The following RBFOX1 variants were observed in gnomAD, a reference collection of about 807,000 sequenced individuals.
The protein encoded by RBFOX1 is RNA binding protein fox-1 homolog 1.
In RBFOX1, 8 loss-of-function variants were observed where a neutral mutation model predicts 57.7. The ratio of observed to expected loss-of-function variants is 0.14; its 90% CI spans 0.08 to 0.25. The LOEUF (loss-of-function observed/expected upper bound fraction) is 0.25. Ranked by LOEUF, RBFOX1 falls within the 10% of genes least tolerant of loss-of-function variation. RBFOX1 has a pLI of 1.00. For missense variants in RBFOX1, 611 were observed against 548.5 expected (o/e 1.11, Z -1.14); for synonymous variants, 326 against 222.4 (o/e 1.47, Z -4.15).
chr16:7,189,425 CAAAAAAAAAAAA>C (rs1159617665), intron 4 of RBFOX1, among the ~76,000 whole-genome samples: 1 of 67,614 alleles, frequency 1.5e-5, no homozygotes, highest in African/African-American at 4.8e-5. Context: ...GACTCCCTCT[CAAAAAAAAAAAA>C]AAAAAAAAAA....
At chr16:7,702,689 G>C (rs2081150959) in intron 14 of RBFOX1, among the ~76,000 whole-genome samples, 2 of 152,126 alleles carry the variant, frequency 1.3e-5, no homozygotes, top group African/African-American at 4.8e-5. Context: ...TCCAGCCCCT[G>C]AGAATTGCTG....
Position 7,000,596 on chromosome 16 carries a change from C to CTTTTTTTTTTTTTTTTTTTTTTTTTTT in RBFOX1, c.-15-51440_-15-51439insTTTTTTTTTTTTTTTTTTTTTTTTTTT, listed in dbSNP as rs759103545. ...TTTCTTTTTTTCTTTCTTTTTCTTTCTTTTTTTTTTTTTTTTTTTTTGAGA... is the reference window on the plus strand; with the variant it reads ...TTTCTTTTTTTCTTTCTTTTTCTTTCTTTTTTTTTTTTTTTTTTTTTTTTTTTTTTTTTTTTTTTTTTTTTTTTGAGA... On this transcript the variant is annotated intron_variant, in intron 3 of 15. Transcript: ENST00000550418. Among the ~76,000 whole-genome samples the CTTTTTTTTTTTTTTTTTTTTTTTTTTT allele has an allele frequency of 2.1e-4, 19 of 92,594 alleles. 1 individual carries two copies. Among genetic ancestry groups the CTTTTTTTTTTTTTTTTTTTTTTTTTTT allele is most frequent in the Admixed American group, 4.4e-4 (3 of 6,820 alleles). The allele number at this position is 92,594 out of a possible 152,430, so 60.7% of individuals were successfully genotyped here. A position where few individuals can be genotyped will look rare whatever the true frequency, so the allele number is the denominator to read the frequency against.
At chr16:6,492,487 T>G (rs1394022286) in intron 2 of RBFOX1, among the ~76,000 whole-genome samples, 1 of 152,122 alleles carries the variant, frequency 6.6e-6, no homozygotes, top group Non-Finnish European at 1.5e-5. Context: ...GAGAATCGCT[T>G]GAACCCGGGA....
intron 11 of RBFOX1, among the ~76,000 whole-genome samples, chr16:7,632,499 A>T (rs556116986): frequency 6.6e-6 from 1 of 152,224 alleles, no homozygotes; most frequent in Non-Finnish European, 1.5e-5. Context: ...ATGGAGGGCA[A>T]TCCCAGAGCC....
At chr16:6,915,351 G>T (rs1233299652) in intron 3 of RBFOX1, among the ~76,000 whole-genome samples, 2 of 152,126 alleles carry the variant, frequency 1.3e-5, no homozygotes. Flanking sequence ...GAGGAAGCTT[G>T]CTCTACAGAT....
intron 3 of RBFOX1, among the ~76,000 whole-genome samples, chr16:6,886,696 A>G (rs908390788): frequency 6.6e-6 from 1 of 151,762 alleles, no homozygotes; most frequent in Non-Finnish European, 1.5e-5. Flanking sequence ...CAGAGGTTGC[A>G]CTAAACTGAG....
intron 3 of RBFOX1, among the ~76,000 whole-genome samples, chr16:5,769,952 A>G (rs750591434): frequency 6.6e-6 from 1 of 152,194 alleles, no homozygotes; most frequent in Non-Finnish European, 1.5e-5. Flanking sequence ...GGCTCTCAGT[A>G]TAGGTATGTG....
chr16:6,341,786 G>T (rs1431636041), intron 2 of RBFOX1, among the ~76,000 whole-genome samples: 1 of 152,030 alleles, frequency 6.6e-6, no homozygotes, highest in African/African-American at 2.4e-5. Context: ...CTTGCTTTTG[G>T]TTTGCATTGT....
At chr16:7,530,653 G>A (rs147358853) in intron 5 of RBFOX1, among the ~76,000 whole-genome samples, 1 of 152,120 alleles carries the variant, frequency 6.6e-6, no homozygotes, top group African/African-American at 2.4e-5. Flanking sequence ...CTAACCAGGG[G>A]GTCTGGGTTT....
intron 3 of RBFOX1, among the ~76,000 whole-genome samples, chr16:6,834,434 G>A (rs995218457): frequency 6.6e-6 from 1 of 152,082 alleles, no homozygotes; most frequent in Non-Finnish European, 1.5e-5. Context: ...CACTTGTTTG[G>A]GAGGGGAAGC....
At chr16:6,481,924 A>G (rs1372224787) in intron 2 of RBFOX1, among the ~76,000 whole-genome samples, 1 of 152,238 alleles carries the variant, frequency 6.6e-6, no homozygotes, top group East Asian at 1.9e-4. Context: ...CACAGAAGAA[A>G]AAAAAATCCC....
chr16:7,458,247 A>G (rs1426037040), intron 4 of RBFOX1, among the ~76,000 whole-genome samples: 1 of 152,066 alleles, frequency 6.6e-6, no homozygotes. Context: ...AAGGTTTGCA[A>G]AGGACCAGCG....
chr16:5,704,599 C>G (rs778553557), intron 3 of RBFOX1, among the ~76,000 whole-genome samples: 3 of 152,230 alleles, frequency 2.0e-5, no homozygotes, highest in Non-Finnish European at 4.4e-5. Context: ...CCTCTTCCCT[C>G]AAGTTATTTT....
chr16:5,939,486 G>A (rs2059238104), intron 4 of RBFOX1, among the ~76,000 whole-genome samples: 1 of 152,184 alleles, frequency 6.6e-6, no homozygotes, highest in Non-Finnish European at 1.5e-5. Context: ...TTCTTGTCAT[G>A]GAGGACCTTC....
intron 3 of RBFOX1, among the ~76,000 whole-genome samples, chr16:5,755,490 A>G (rs2053360708): frequency 6.6e-6 from 1 of 152,232 alleles, no homozygotes; most frequent in Admixed American, 6.5e-5. Flanking sequence ...TAGGTAGACC[A>G]AAGCAGTAGC....
chr16:6,304,511 C>T (rs1223096647), intron 1 of RBFOX1, among the ~76,000 whole-genome samples: 2 of 152,030 alleles, frequency 1.3e-5, no homozygotes, highest in South Asian at 2.1e-4. Flanking sequence ...GGACTATCTT[C>T]CCTACAGAGC....
At chr16:6,199,457 A>G (rs1472765170) in intron 1 of RBFOX1, among the ~76,000 whole-genome samples, 1 of 152,194 alleles carries the variant, frequency 6.6e-6, no homozygotes, top group African/African-American at 2.4e-5. Flanking sequence ...TCTTTCCAGG[A>G]TGAATCAGTA....
intron 4 of RBFOX1, among the ~76,000 whole-genome samples, chr16:7,418,878 G>A (rs564998766): frequency 0.012 from 1,079 of 86,858 alleles, 17 homozygotes; most frequent in African/African-American, 0.046. Flanking sequence ...ACTAAGAGTC[G>A]AGGTTTTTTT....
At chr16:6,375,341 T>C (rs897802756) in intron 2 of RBFOX1, among the ~76,000 whole-genome samples, 1 of 151,194 alleles carries the variant, frequency 6.6e-6, no homozygotes, top group African/African-American at 2.4e-5. Context: ...ATTTCTCTTT[T>C]AACAAAGAAA....
Sources: allele counts gnomAD v4.1 joint callset (sites outside exome capture counted in the v4.1 genomes callset), GRCh38; gene constraint gnomAD v4.1.1; transcripts MANE v1.5; gene names NCBI Gene and HGNC (gene_info 2026-07-23, HGNC 2026-07-21).